Variants in TNFSF4 observed in about 807,000 individuals in gnomAD.
TNFSF4 encodes TNF superfamily member 4.
A neutral mutation model predicts 7.3 loss-of-function variants in TNFSF4; 4 were observed. That is an observed-to-expected ratio of 0.55 (90% CI 0.27 to 1.25). The LOEUF (loss-of-function observed/expected upper bound fraction) is 1.25. Ranked by LOEUF, TNFSF4 falls within the 50% of genes most tolerant of loss-of-function variation. The pLI, the probability that TNFSF4 is intolerant of heterozygous loss-of-function variation, is 0.12. For missense variants in TNFSF4, 181 were observed against 208.8 expected, an observed-to-expected ratio of 0.87 and a Z score of 0.82; for synonymous variants, 76 against 83.7, an observed-to-expected ratio of 0.91 and a Z score of 0.50.
the TNFSF4 span, among the ~76,000 whole-genome samples, chr1:173,252,453 C>A: frequency 6.6e-6 from 1 of 152,046 alleles, no homozygotes; most frequent in Non-Finnish European, 1.5e-5. Context: ...ATAGGGAATT[C>A]CTTAAGGAGC....
At chr1:173,336,167 C>A in the TNFSF4 span, among the ~76,000 whole-genome samples, 1 of 152,254 alleles carries the variant, frequency 6.6e-6, no homozygotes, top group East Asian at 1.9e-4. Context: ...AGGCCAAGGG[C>A]AAGCCACTGA....
the TNFSF4 span, among the ~76,000 whole-genome samples, chr1:173,401,295 G>A: frequency 1.3e-5 from 2 of 152,174 alleles, no homozygotes; most frequent in Non-Finnish European, 2.9e-5. Context: ...ATGGTTTCAG[G>A]AGGCACGTAT....
the TNFSF4 span, among the ~76,000 whole-genome samples, chr1:173,247,677 T>C: frequency 6.6e-6 from 1 of 152,304 alleles, no homozygotes; most frequent in South Asian, 2.1e-4. Context: ...ATGGTAGAGA[T>C]TAAAATGCTA....
At chr1:173,197,478 A>G (rs1262177592) in intron 1 of TNFSF4, among the ~76,000 whole-genome samples, 1 of 152,256 alleles carries the variant, frequency 6.6e-6, no homozygotes, top group Admixed American at 6.5e-5. Flanking sequence ...AATGTGGTAC[A>G]TATACACCAT....
At chr1:173,296,668 C>T in the TNFSF4 span, among the ~76,000 whole-genome samples, 2 of 151,928 alleles carry the variant, frequency 1.3e-5, no homozygotes, top group Non-Finnish European at 2.9e-5. Context: ...CATAGATACA[C>T]TGCCAAGCAC....
chr1:173,317,489 C>G, the TNFSF4 span, among the ~76,000 whole-genome samples: 1 of 152,108 alleles, frequency 6.6e-6, no homozygotes, highest in African/African-American at 2.4e-5. Flanking sequence ...CTTCACCCCA[C>G]CCAGGGGATG....
chr1:173,433,155 C>G, the TNFSF4 span, among the ~76,000 whole-genome samples: 1 of 152,004 alleles, frequency 6.6e-6, no homozygotes, highest in Non-Finnish European at 1.5e-5. Context: ...ATTCACTAAC[C>G]CTTTGAAGGC....
At chr1:173,398,305 G>C in the TNFSF4 span, among the ~76,000 whole-genome samples, 1 of 151,210 alleles carries the variant, frequency 6.6e-6, no homozygotes. Flanking sequence ...TGAGCAAAAA[G>C]TAGATTCTAC....
chr1:173,221,145 G>T, the TNFSF4 span, among the ~76,000 whole-genome samples: 1 of 152,182 alleles, frequency 6.6e-6, no homozygotes, highest in Admixed American at 6.5e-5. Context: ...CTGAAGAAAA[G>T]AAAGTGGCTA....
chr1:173,433,922 G>C, the TNFSF4 span, among the ~76,000 whole-genome samples: 1 of 152,120 alleles, frequency 6.6e-6, no homozygotes, highest in Admixed American at 6.5e-5. Flanking sequence ...CAGTAAGGCT[G>C]GTGTCCTTAT....
the TNFSF4 span, among the ~76,000 whole-genome samples, chr1:173,385,066 T>A: frequency 6.6e-6 from 1 of 152,216 alleles, no homozygotes; most frequent in African/African-American, 2.4e-5. Flanking sequence ...TTTGCTGGGA[T>A]AAATGACTCT....
upstream of TNFSF4, among the ~76,000 whole-genome samples, chr1:173,208,614 T>C (rs1650277761): frequency 6.6e-6 from 1 of 152,194 alleles, no homozygotes; most frequent in South Asian, 2.1e-4. Context: ...ATAAGGTAAC[T>C]AAGGCACAAT....
the TNFSF4 span, among the ~76,000 whole-genome samples, chr1:173,379,733 A>G: frequency 5.8e-4 from 89 of 152,288 alleles, 1 homozygote; most frequent in African/African-American, 2.1e-3. Flanking sequence ...AGATAAACAA[A>G]CCTTGGTGGT....
At chr1:173,386,815 T>A in the TNFSF4 span, among the ~76,000 whole-genome samples, 1 of 152,254 alleles carries the variant, frequency 6.6e-6, no homozygotes, top group Non-Finnish European at 1.5e-5. Flanking sequence ...AGACGGGATA[T>A]GGAGTCAATG....
At chr1:173,266,275 CAT>C in the TNFSF4 span, among the ~76,000 whole-genome samples, 1 of 152,060 alleles carries the variant, frequency 6.6e-6, no homozygotes, top group Non-Finnish European at 1.5e-5. Flanking sequence ...CTTTTGCAAA[CAT>C]ACAGTTTGAG....
At chr1:173,373,136 G>A in the TNFSF4 span, among the ~76,000 whole-genome samples, 1 of 152,316 alleles carries the variant, frequency 6.6e-6, no homozygotes, top group East Asian at 1.9e-4. Context: ...CTGCAATATG[G>A]AAAGAAAGGG....
chr1:173,362,637 C>A, the TNFSF4 span: 1 of 461,372 alleles, frequency 2.2e-6, no homozygotes. Context: ...GATTAAAGGT[C>A]CTATGTCCAT....
At chr1:173,258,369 C>T in the TNFSF4 span, among the ~76,000 whole-genome samples, 1 of 152,110 alleles carries the variant, frequency 6.6e-6, no homozygotes, top group South Asian at 2.1e-4. Context: ...CACCCGAGAG[C>T]AGATTAGCAC....
the TNFSF4 span, among the ~76,000 whole-genome samples, chr1:173,367,978 T>C: frequency 6.6e-6 from 1 of 152,106 alleles, no homozygotes; most frequent in African/African-American, 2.4e-5. Flanking sequence ...GATTGTAAAA[T>C]GGACCAATCA....
Sources: allele counts gnomAD v4.1 joint callset (sites outside exome capture counted in the v4.1 genomes callset), GRCh38; gene constraint gnomAD v4.1.1; transcripts MANE v1.5; gene names NCBI Gene and HGNC (gene_info 2026-07-23, HGNC 2026-07-21).